The following ANKRD16 variants were observed in gnomAD, a reference collection of about 807,000 sequenced individuals.
The protein encoded by ANKRD16 is ankyrin repeat domain-containing protein 16.
A neutral mutation model predicts 37.9 loss-of-function variants in ANKRD16; 35 were observed. The observed-to-expected ratio is 0.92, with a 90% CI of 0.71 to 1.23. ANKRD16 has a LOEUF of 1.23. Among genes scored for constraint, ANKRD16 ranks in the 50% most tolerant of loss-of-function variants. The pLI is 0.00. For synonymous variants in ANKRD16, 206 were observed against 197.2 expected (o/e 1.04, Z -0.37); for missense variants, 480 against 469.9 (o/e 1.02, Z -0.20).
At chr10:5,872,408 G>A (rs1015977249) in intron 7 of ANKRD16, among the ~76,000 whole-genome samples, 2 of 152,048 alleles carry the variant, frequency 1.3e-5, no homozygotes, top group Non-Finnish European at 2.9e-5. Flanking sequence ...GAACCCAGGA[G>A]GTGCAGGCTG....
At position 5,870,905 on chromosome 10, in the gene ANKRD16, C is replaced by T. The variant is rs116407177; in HGVS notation, c.*33+7192G>A. ...TGGGCCGATAAATGCATCCACTCCCCGTGCTTTCCCAGGAGCGCCCAGGCC... is the reference window on the plus strand; with the variant it reads ...TGGGCCGATAAATGCATCCACTCCCTGTGCTTTCCCAGGAGCGCCCAGGCC... On this transcript the variant is annotated intron_variant, in intron 7 of 7. Coordinates refer to ENST00000380094, the MANE Select transcript of ANKRD16 (RefSeq NM_019046.3). This position sits in a 1 kb window ranked among gnomAD's most constrained non-coding sequence, Gnocchi z 5.0. Among the ~76,000 whole-genome samples, 624 of 152,320 alleles carry T rather than the reference C, an allele frequency of 4.1e-3. 6 individuals carry two copies. Among genetic ancestry groups the T allele is most frequent in the African/African-American group, 0.014 (593 of 41,556 alleles).
chr10:5,884,905 G>C (rs1460683255), intron 3 of ANKRD16, among the ~76,000 whole-genome samples: 1 of 152,142 alleles, frequency 6.6e-6, no homozygotes, highest in South Asian at 2.1e-4. Flanking sequence ...TTGCTGTCTG[G>C]AATGGTCCCT....
At chr10:5,873,139 C>T (rs1842130296) in intron 7 of ANKRD16, among the ~76,000 whole-genome samples, 1 of 151,538 alleles carries the variant, frequency 6.6e-6, no homozygotes, top group African/African-American at 2.4e-5. Context: ...AAGCAATTCT[C>T]CTGCCTCAGC....
intron 6 of ANKRD16, among the ~76,000 whole-genome samples, chr10:5,879,682 G>A (rs1336251564): frequency 7.3e-6 from 1 of 136,304 alleles, no homozygotes; most frequent in Non-Finnish European, 1.6e-5. Context: ...GCTAGCAGGT[G>A]TCATCATGGA....
At position 5,868,206 on chromosome 10, in the gene ANKRD16, T is replaced by C. The variant is rs185528370; in HGVS notation, c.*34-5515A>G. Among the ~76,000 whole-genome samples the C allele has an allele frequency of 2.6e-5, 4 of 152,312 alleles. No homozygotes were observed. The East Asian group carries it at 7.7e-4, about 29-fold the overall frequency. On this transcript the variant is annotated intron_variant, in intron 7 of 7. Coordinates refer to ENST00000380094, the MANE Select transcript of ANKRD16 (RefSeq NM_019046.3). The surrounding 1 kb of genome is among the most constrained non-coding windows in gnomAD (Gnocchi z 4.9). ...ATCAAGCTACAGATGGTCTTACAAA[T>C]GGAACCCCAAATGAGCTCAACTAAC...
rs758254300 is a variant in ANKRD16 at position 5,880,349 on chromosome 10, G to C, written c.877C>G (p.Leu293Val). The part of the protein sequence containing the change: ...KEGHTSTIQT[L>V]LSLGADINSK... ...TTGATGTCAGCTCCCAAGGATAAGA[G>C]AGTCTGAATTGTACTTGTATGTCCT... Residue 293 changes from leucine to valine, a missense_variant, in exon 6 of 8, where the codon CTC (leucine) becomes GTC (valine). By Grantham distance (32) the Leu-to-Val change is conservative (BLOSUM62 1). Transcript: ENST00000380094. 1.2e-6 allele frequency: 2 copies of C among 1,606,362 alleles called. No individual in the cohort carries two copies. Among genetic ancestry groups the C allele is most frequent in the East Asian group, 2.2e-5 (1 of 44,614 alleles).
At chr10:5,879,455 G>A (rs1407401853) in intron 6 of ANKRD16, among the ~76,000 whole-genome samples, 10 of 150,916 alleles carry the variant, frequency 6.6e-5, no homozygotes, top group East Asian at 3.9e-4. Flanking sequence ...GTGACAGAGC[G>A]AGACTTTGTC....
Position 5,868,797 on chromosome 10 carries a change from C to T in ANKRD16, c.*34-6106G>A, listed in dbSNP as rs1359809684. 6.6e-6 allele frequency among the ~76,000 whole-genome samples: 1 copy of T among 152,198 alleles called. No individual in the cohort carries two copies. Among genetic ancestry groups the T allele is most frequent in the Non-Finnish European group, 1.5e-5 (1 of 68,046 alleles). ...TCTGCGGCTTCATTCCTTAAGTCAG[C>T]AAGACCACGAACCCACCAGGAGGAA... is the stretch of plus-strand genomic sequence containing the variant. On this transcript the variant is annotated intron_variant, in intron 7 of 7. Coordinates refer to ENST00000380094, the MANE Select transcript of ANKRD16 (RefSeq NM_019046.3). This position sits in a 1 kb window ranked among gnomAD's most constrained non-coding sequence, Gnocchi z 4.9.
At chr10:5,884,411 C>A (rs1330347081) in intron 3 of ANKRD16, among the ~76,000 whole-genome samples, 1 of 152,172 alleles carries the variant, frequency 6.6e-6, no homozygotes, top group Non-Finnish European at 1.5e-5. Flanking sequence ...CCCCATCCTT[C>A]AATTCCACAG....
At chr10:5,872,762 T>C (rs547997067) in intron 7 of ANKRD16, among the ~76,000 whole-genome samples, 44 of 151,576 alleles carry the variant, frequency 2.9e-4, no homozygotes, top group Admixed American at 7.2e-4. Context: ...TTCACCGTGT[T>C]AGCCAAGATG....
At chr10:5,883,835 C>T (rs1398759636) in intron 4 of ANKRD16, 134 bp downstream of exon 4, 1 of 694,044 alleles carries the variant, frequency 1.4e-6, no homozygotes, top group Non-Finnish European at 2.4e-6. Flanking sequence ...AAAGAGGTCA[C>T]CAAGTTCCAG....
chr10:5,867,856 A>G (rs765891933), intron 7 of ANKRD16, among the ~76,000 whole-genome samples: 2 of 152,228 alleles, frequency 1.3e-5, no homozygotes, highest in Non-Finnish European at 2.9e-5. Context: ...GATCCCAAAT[A>G]GACTCTTTGG....
chr10:5,881,060 A>G (rs1589022241), intron 5 of ANKRD16: 1 of 527,468 alleles, frequency 1.9e-6, no homozygotes. Flanking sequence ...CAGCCTCCCA[A>G]AGTGTTGGGA....
chr10:5,872,517 G>T (rs556506430), intron 7 of ANKRD16, among the ~76,000 whole-genome samples: 1 of 152,180 alleles, frequency 6.6e-6, no homozygotes, highest in South Asian at 2.1e-4. Context: ...AAAACTGCAC[G>T]TGCAGCATCA....
At chr10:5,877,241 T>C (rs1053374530) in intron 7 of ANKRD16, among the ~76,000 whole-genome samples, 15 of 152,218 alleles carry the variant, frequency 9.9e-5, no homozygotes, top group Non-Finnish European at 1.3e-4. Flanking sequence ...GCCTCACTGG[T>C]AGCTGGGACT....
chr10:5,888,651 T>C lies in ANKRD16; in HGVS notation c.314+390A>G, dbSNP rs558884833. Among the ~76,000 whole-genome samples, 7 of 152,374 alleles carry C rather than the reference T, an allele frequency of 4.6e-5. No homozygotes were observed. In the South Asian group the frequency reaches 1.2e-3, roughly 27 times the overall value. On this transcript the variant is annotated intron_variant, in intron 1 of 7. Transcript: ENST00000380094. ...ATAACTCAGGAATTCTGGATATTGA[T>C]TGGAGCAATGCCACTTGAAACAATG...
At chr10:5,880,893 A>G (rs574105407) in intron 5 of ANKRD16, among the ~76,000 whole-genome samples, 1 of 152,012 alleles carries the variant, frequency 6.6e-6, no homozygotes, top group South Asian at 2.1e-4. Flanking sequence ...AGACTCTAAC[A>G]TATATTAGGC....
Position 5,865,680 on chromosome 10 carries a change from G to C in ANKRD16, c.*34-2989C>G, listed in dbSNP as rs552016905. Among the ~76,000 whole-genome samples the C allele has an allele frequency of 1.3e-5, 2 of 152,270 alleles. No homozygotes were observed. Among genetic ancestry groups the C allele is most frequent in the South Asian group, 4.1e-4 (2 of 4,822 alleles). ...TTTGCTCTTTTCACATGACTTTCTTGTTATGCCTGAAAGTTCCACACCCTT... is the reference window on the plus strand; with the variant it reads ...TTTGCTCTTTTCACATGACTTTCTTCTTATGCCTGAAAGTTCCACACCCTT... On this transcript the variant is annotated intron_variant, in intron 7 of 7. Transcript: ENST00000380094. This position sits in a 1 kb window ranked among gnomAD's most constrained non-coding sequence, Gnocchi z 4.7.
Position 5,887,921 on chromosome 10 carries a change from T to G in ANKRD16, c.461A>C (p.Gln154Pro). 6.2e-7 allele frequency: 1 copy of G among 1,614,204 alleles called. No individual in the cohort carries two copies. Among genetic ancestry groups the G allele is most frequent in the Non-Finnish European group, 8.5e-7 (1 of 1,180,016 alleles). Residue 154 changes from glutamine (Q) to proline (P), a missense_variant, in exon 2 of 8, where the codon CAG becomes CCG. Transcript: ENST00000380094. Reference sequence around the variant, plus strand: ...ACCTGGGCAAACAGTGAGCAGGTACTGGAGGATCAGAGGGTCGCCTTCTCG... The same window carrying G: ...ACCTGGGCAAACAGTGAGCAGGTACGGGAGGATCAGAGGGTCGCCTTCTCG... Reference protein sequence around the residue: ...ASREGDPLILQYLLTVCPGAW... With the variant: ...ASREGDPLILPYLLTVCPGAW...
Sources: allele counts gnomAD v4.1 joint callset (sites outside exome capture counted in the v4.1 genomes callset), GRCh38; gene constraint gnomAD v4.1.1; non-coding constraint Gnocchi (gnomAD v3.1); transcripts MANE v1.5; gene names NCBI Gene and HGNC (gene_info 2026-07-23, HGNC 2026-07-21).